Variants in ZFAND3 observed in about 807,000 individuals in gnomAD.
ZFAND3 encodes the protein AN1-type zinc finger protein 3.
ZFAND3 carries 10 observed loss-of-function variants against 29.6 expected under a neutral mutation model. The ratio of observed to expected loss-of-function variants is 0.34; its 90% CI spans 0.21 to 0.57. The LOEUF (loss-of-function observed/expected upper bound fraction) is 0.57. Among genes scored for constraint, ZFAND3 ranks in the 20% least tolerant of loss-of-function variants. The pLI, the probability that ZFAND3 is intolerant of heterozygous loss-of-function variation, is 0.86. For synonymous variants in ZFAND3, 128 were observed against 112.6 expected (o/e 1.14, Z -0.87); for missense variants, 230 against 304.5 (o/e 0.76, Z 1.82).
chr6:38,130,477 G>T (rs982540183), intron 5 of ZFAND3, among the ~76,000 whole-genome samples: 1 of 152,074 alleles, frequency 6.6e-6, no homozygotes, highest in Non-Finnish European at 1.5e-5. Context: ...TTATATTGAG[G>T]TATATTCCTT....
chr6:37,939,443 C>T (rs1039810252), intron 2 of ZFAND3, among the ~76,000 whole-genome samples: 1 of 152,204 alleles, frequency 6.6e-6, no homozygotes, highest in Admixed American at 6.5e-5. Flanking sequence ...CCCGGATTAT[C>T]TCATCTGGAA....
chr6:37,960,419 A>G (rs1053817363), intron 2 of ZFAND3, among the ~76,000 whole-genome samples: 2 of 152,228 alleles, frequency 1.3e-5, no homozygotes, highest in African/African-American at 4.8e-5. Context: ...ATTCATATAC[A>G]TATACACCCT....
chr6:37,991,963 A>G (rs1306929604), intron 2 of ZFAND3, among the ~76,000 whole-genome samples: 1 of 152,086 alleles, frequency 6.6e-6, no homozygotes, highest in Non-Finnish European at 1.5e-5. Context: ...AAATGTTAAG[A>G]TTTTTTTGCC....
At chr6:38,062,269 T>C (rs745692689) in intron 3 of ZFAND3, 1 of 155,096 alleles carries the variant, frequency 6.4e-6, no homozygotes, top group East Asian at 1.9e-4. Flanking sequence ...TTAACTGAGA[T>C]AGCACTATAC....
chr6:37,906,152 A>G (rs1765402744), intron 1 of ZFAND3, among the ~76,000 whole-genome samples: 1 of 152,166 alleles, frequency 6.6e-6, no homozygotes. Context: ...GTTTGAGAAC[A>G]TTCTTATTAC....
At chr6:37,899,463 T>G (rs559581307) in intron 1 of ZFAND3, among the ~76,000 whole-genome samples, 106 of 152,284 alleles carry the variant, frequency 7.0e-4, no homozygotes, top group African/African-American at 2.4e-3. Flanking sequence ...ATTGTTAAAA[T>G]GTGCCCAGCC....
At chr6:38,100,297 C>T (rs1358005347) in intron 4 of ZFAND3, among the ~76,000 whole-genome samples, 1 of 152,146 alleles carries the variant, frequency 6.6e-6, no homozygotes, top group Non-Finnish European at 1.5e-5. Flanking sequence ...CTCTTGACCT[C>T]GTGATCCGCC....
At chr6:37,946,296 C>T (rs955302546) in intron 2 of ZFAND3, among the ~76,000 whole-genome samples, 3 of 152,082 alleles carry the variant, frequency 2.0e-5, no homozygotes, top group Admixed American at 1.3e-4. Context: ...AGATACTTAC[C>T]ATGACTCAAG....
At chr6:37,956,505 G>GA (rs1762088135) in intron 2 of ZFAND3, among the ~76,000 whole-genome samples, 1 of 152,080 alleles carries the variant, frequency 6.6e-6, no homozygotes, top group South Asian at 2.1e-4. Context: ...TAGTGACATA[G>GA]ATTATAGAAA....
intron 2 of ZFAND3, among the ~76,000 whole-genome samples, chr6:38,046,290 C>T (rs954781588): frequency 6.6e-5 from 10 of 152,156 alleles, no homozygotes; most frequent in African/African-American, 2.4e-4. Flanking sequence ...AGAACTTGAT[C>T]GTTTAATTTG....
chr6:38,090,418 T>C (rs2127473742), intron 4 of ZFAND3, among the ~76,000 whole-genome samples: 1 of 152,308 alleles, frequency 6.6e-6, no homozygotes, highest in South Asian at 2.1e-4. Flanking sequence ...AAAAAGTATT[T>C]AAATAAATGT....
Position 37,838,849 on chromosome 6 carries a change from G to A in ZFAND3, c.71+18833G>A, listed in dbSNP as rs150023712. Among the ~76,000 whole-genome samples the A allele has an allele frequency of 2.6e-3, 395 of 152,240 alleles. 2 individuals carry two copies. Among genetic ancestry groups the A allele is most frequent in the Non-Finnish European group, 3.2e-3 (216 of 68,010 alleles). ...TTTGAATACCTAGGAGGGGAATTTC[G>A]GGATGATATGGTAACTCTGTTTAAC... is the stretch of plus-strand genomic sequence containing the variant. On this transcript the variant is annotated intron_variant, in intron 1 of 5. Transcript: ENST00000287218.
At chr6:37,976,749 G>T (rs940551292) in intron 2 of ZFAND3, among the ~76,000 whole-genome samples, 3 of 152,146 alleles carry the variant, frequency 2.0e-5, no homozygotes, top group Non-Finnish European at 4.4e-5. Context: ...GGTGGCAGGT[G>T]AGAAAGAGGA....
chr6:38,093,429 T>C (rs969329895), intron 4 of ZFAND3, among the ~76,000 whole-genome samples: 15 of 152,198 alleles, frequency 9.9e-5, no homozygotes, highest in Admixed American at 8.5e-4. Context: ...TATAGTCCTA[T>C]AGAAAATTAT....
At chr6:37,821,789 T>C (rs143741359) in intron 1 of ZFAND3, among the ~76,000 whole-genome samples, 5 of 152,372 alleles carry the variant, frequency 3.3e-5, no homozygotes, top group East Asian at 1.9e-4. Flanking sequence ...GAAAGACTTA[T>C]ATCAAGGCTT....
In ZFAND3 at chr6:38,038,401, C is replaced by G. The variant is rs546001574; in HGVS notation, c.113-23192C>G. Among the ~76,000 whole-genome samples, 5 of 152,236 alleles carry G rather than the reference C, an allele frequency of 3.3e-5. No individual in the cohort carries two copies. The South Asian group carries it at 8.3e-4, about 25-fold the overall frequency. Reference sequence around the variant, plus strand: ...TGAAAAGGATTCTGACCTTTTATTTCATACAGATATTTAAAAATATGTGAG... The same window carrying G: ...TGAAAAGGATTCTGACCTTTTATTTGATACAGATATTTAAAAATATGTGAG... On this transcript the variant is annotated intron_variant, in intron 2 of 5. Coordinates refer to ENST00000287218, the MANE Select transcript of ZFAND3 (RefSeq NM_021943.3).
At position 38,061,600 on chromosome 6, in the gene ZFAND3, A is replaced by G; in HGVS notation, c.120A>G (p.Gln40=). 1.2e-6 allele frequency: 2 copies of G among 1,614,062 alleles called. No individual in the cohort carries two copies. The highest frequency in any genetic ancestry group is 1.7e-6 in the Non-Finnish European group (2 of 1,179,952). ...TTTTCTATTTTTCTTCAGATTTTCA[A>G]AAGAAACAGCCAGACGATGATTCCG... is the stretch of plus-strand genomic sequence containing the variant. ...NLCSKCFADF[Q]KKQPDDDSAP... is the part of the protein sequence containing the mutation. The change falls in exon 3 of 6, where the codon CAA becomes CAG. Residue 40 remains glutamine (Q), a synonymous_variant. Transcript: ENST00000287218.
chr6:37,920,564 A>G (rs1222191612), intron 1 of ZFAND3, among the ~76,000 whole-genome samples: 1 of 152,166 alleles, frequency 6.6e-6, no homozygotes, highest in Admixed American at 6.5e-5. Context: ...GCTGTCCTTG[A>G]ATTTGGGCAT....
At chr6:37,872,368 G>A (rs1010187384) in intron 1 of ZFAND3, among the ~76,000 whole-genome samples, 1 of 152,166 alleles carries the variant, frequency 6.6e-6, no homozygotes, top group East Asian at 1.9e-4. Flanking sequence ...AGTGGGGCCA[G>A]TAGGAACATA....
Sources: allele counts gnomAD v4.1 joint callset (sites outside exome capture counted in the v4.1 genomes callset), GRCh38; gene constraint gnomAD v4.1.1; transcripts MANE v1.5; gene names NCBI Gene and HGNC (gene_info 2026-07-23, HGNC 2026-07-21).